TSG101: variants seen among roughly 807,000 people sequenced by gnomAD.
The protein encoded by TSG101 is tumor susceptibility 101.
A neutral mutation model predicts 48.5 loss-of-function variants in TSG101; 19 were observed. The ratio of observed to expected loss-of-function variants is 0.39; its 90% CI spans 0.27 to 0.58. TSG101 has a LOEUF of 0.58. Ranked by LOEUF, TSG101 falls within the 20% of genes least tolerant of loss-of-function variation. The pLI, the probability that TSG101 is intolerant of heterozygous loss-of-function variation, is 0.55. For missense variants in TSG101, 365 were observed against 484.4 expected, an observed-to-expected ratio of 0.75 and a Z score of 2.31; for synonymous variants, 174 against 169.4, an observed-to-expected ratio of 1.03 and a Z score of -0.21.
intron 4 of TSG101, among the ~76,000 whole-genome samples, chr11:18,513,083 G>A (rs1160007120): frequency 6.6e-6 from 1 of 151,920 alleles, no homozygotes; most frequent in African/African-American, 2.4e-5. Context: ...CTCCTAAGAT[G>A]TGTTCTTCCA....
At chr11:18,488,312 A>G (rs777299370) in intron 7 of TSG101, among the ~76,000 whole-genome samples, 1 of 152,200 alleles carries the variant, frequency 6.6e-6, no homozygotes, top group Non-Finnish European at 1.5e-5. Context: ...GCAGATGGAC[A>G]AACAGATGGA....
chr11:18,512,900 A>G (rs529346210), intron 4 of TSG101, among the ~76,000 whole-genome samples: 80 of 151,736 alleles, frequency 5.3e-4, no homozygotes, highest in African/African-American at 1.8e-3. Context: ...GCTAATTTTT[A>G]TATTTTTAGT....
chr11:18,491,783 T>C (rs1235590671), intron 7 of TSG101, among the ~76,000 whole-genome samples: 1 of 152,216 alleles, frequency 6.6e-6, no homozygotes, highest in African/African-American at 2.4e-5. Flanking sequence ...TCTTACCTAA[T>C]CAAGAACTTG....
chr11:18,492,564 A>G (rs1294462767), intron 7 of TSG101, among the ~76,000 whole-genome samples: 1 of 152,206 alleles, frequency 6.6e-6, no homozygotes, highest in Non-Finnish European at 1.5e-5. Flanking sequence ...ATACCACCAA[A>G]TAAGTCCTTG....
At chr11:18,487,601 A>G (rs1849638410) in intron 7 of TSG101, among the ~76,000 whole-genome samples, 1 of 152,200 alleles carries the variant, frequency 6.6e-6, no homozygotes, top group South Asian at 2.1e-4. Context: ...TCCAGGCTCA[A>G]GCTATCCTCC....
chr11:18,480,695 A>ATC (rs1849518611), intron 9 of TSG101, 60 bp from the exon 10 acceptor site: 1 of 1,505,156 alleles, frequency 6.6e-7, no homozygotes, highest in Non-Finnish European at 9.1e-7. Context: ...CCAGGCATAA[A>ATC]ATAGACAATT....
In TSG101 at chr11:18,483,927, G is replaced by A; in HGVS notation, c.786C>T (p.Asp262=). The change falls in exon 8 of 10, where the codon GAC becomes GAT. Residue 262 remains aspartate, a synonymous_variant. Coordinates refer to ENST00000251968, the MANE Select transcript of TSG101 (RefSeq NM_006292.4). ...ELNALKRTEE[D]LKKGHQKLEE... ...CCAGTTTCTGGTGACCCTTTTTCAG[G>A]TCTTCTTCTGTTCGTTTCAAGGCAT... 1.9e-6 allele frequency: 3 copies of A among 1,614,040 alleles called. No individual in the cohort carries two copies. The highest frequency in any genetic ancestry group is 2.5e-6 in the Non-Finnish European group (3 of 1,179,998).
intron 7 of TSG101, among the ~76,000 whole-genome samples, chr11:18,491,787 G>A (rs1333861134): frequency 6.6e-6 from 1 of 152,128 alleles, no homozygotes; most frequent in Non-Finnish European, 1.5e-5. Context: ...ACCTAATCAA[G>A]AACTTGCTCT....
intron 8 of TSG101, among the ~76,000 whole-genome samples, chr11:18,482,549 G>A (rs994236178): frequency 5.9e-5 from 9 of 152,198 alleles, no homozygotes; most frequent in African/African-American, 7.2e-5. Flanking sequence ...AAAATGGAGC[G>A]TGAAATTGGC....
At position 18,483,872 on chromosome 11, in the gene TSG101, C is replaced by T; in HGVS notation, c.841G>A (p.Val281Ile). The change falls in exon 8 of 10, where the codon GTA becomes ATA. Residue 281 changes from valine (V) to isoleucine (I), a missense_variant and splice_region_variant. Coordinates refer to ENST00000251968, the MANE Select transcript of TSG101 (RefSeq NM_006292.4). ...EEMVTRLDQE[V>I]AEVDKNIELL... ...TAAGTCTTTAATGAGTCACTTACTA[C>T]TTCTTGATCTAAACGGGTAACCATC... The T allele has an allele frequency of 4.3e-6, 7 of 1,614,030 alleles. No homozygotes were observed. Among genetic ancestry groups the T allele is most frequent in the Non-Finnish European group, 5.1e-6 (6 of 1,180,020 alleles).
chr11:18,497,232 TTTA>T, intron 7 of TSG101, among the ~76,000 whole-genome samples: 1 of 152,322 alleles, frequency 6.6e-6, no homozygotes, highest in East Asian at 1.9e-4. Context: ...AAATGATACT[TTTA>T]TGTTTCTGCT....
intron 9 of TSG101, 96 bp from the exon 10 acceptor site, chr11:18,480,731 C>CCTAA (rs1205795793): frequency 5.2e-6 from 6 of 1,148,016 alleles, no homozygotes; most frequent in Admixed American, 2.1e-5. Context: ...ATCTAAGAAC[C>CCTAA]CTAACTCATG....
intron 4 of TSG101, among the ~76,000 whole-genome samples, chr11:18,512,437 C>T (rs769346706): frequency 5.3e-5 from 8 of 152,118 alleles, no homozygotes; most frequent in Non-Finnish European, 1.2e-4. Flanking sequence ...ACCATCTTGT[C>T]CTCTATTTTC....
chr11:18,491,127 A>G (rs1356999453), intron 7 of TSG101: 2 of 164,018 alleles, frequency 1.2e-5, no homozygotes, highest in East Asian at 3.4e-4. Context: ...TTCAAGCAAA[A>G]TAAGGCAAAA....
At chr11:18,490,376 A>C (rs1161752943) in intron 7 of TSG101, 1 of 602,598 alleles carries the variant, frequency 1.7e-6, no homozygotes, top group East Asian at 4.3e-5. Context: ...TAATTGCTTC[A>C]TCAAATACTG....
At chr11:18,505,605 G>T (rs1849956910) in intron 6 of TSG101, among the ~76,000 whole-genome samples, 1 of 152,074 alleles carries the variant, frequency 6.6e-6, no homozygotes, top group African/African-American at 2.4e-5. Flanking sequence ...TTAAAACATG[G>T]GTTAGTAATT....
chr11:18,526,330 A>ATTC (rs1850372551), intron 1 of TSG101, among the ~76,000 whole-genome samples: 1 of 152,218 alleles, frequency 6.6e-6, no homozygotes, highest in South Asian at 2.1e-4. Flanking sequence ...CAAAACTGAA[A>ATTC]AGGCCACACT....
intron 2 of TSG101, among the ~76,000 whole-genome samples, chr11:18,519,241 T>G (rs914680119): frequency 1.3e-5 from 2 of 152,114 alleles, no homozygotes; most frequent in South Asian, 4.1e-4. Context: ...CTGGGCTCAG[T>G]GGTCCACCCA....
At chr11:18,498,156 C>A (rs954963812) in intron 7 of TSG101, among the ~76,000 whole-genome samples, 6 of 151,932 alleles carry the variant, frequency 3.9e-5, no homozygotes, top group African/African-American at 1.4e-4. Flanking sequence ...AGAAATAGGC[C>A]GTGGACAAAT....
Sources: allele counts gnomAD v4.1 joint callset (sites outside exome capture counted in the v4.1 genomes callset), GRCh38; gene constraint gnomAD v4.1.1; transcripts MANE v1.5; gene names NCBI Gene and HGNC (gene_info 2026-07-23, HGNC 2026-07-21).